ATP5IF1: variants seen among roughly 807,000 people sequenced by gnomAD.
The protein encoded by ATP5IF1 is ATPase inhibitor, mitochondrial.
ATP5IF1 carries 12 observed loss-of-function variants against 8.5 expected under a neutral mutation model. The observed-to-expected ratio is 1.41, with a 90% CI of 0.90 to 2.28. ATP5IF1 has a LOEUF of 2.28. ATP5IF1 is among the 30% of genes most tolerant of loss of function. The probability of loss-of-function intolerance (pLI) is 0.00; values close to 1 mark genes in which losing one functional copy is unlikely to be tolerated. For missense variants in ATP5IF1, 154 were observed against 140.2 expected (o/e 1.10, Z -0.50); for synonymous variants, 51 against 53.4 (o/e 0.96, Z 0.19).
chr1:28,237,765 T>A (rs758222441), intron 2 of ATP5IF1, 72 bp from the exon 3 acceptor site: 5 of 1,614,014 alleles, frequency 3.1e-6, no homozygotes, highest in Admixed American at 3.3e-5. Context: ...GCTTAGACAT[T>A]ACAGGTTATG....
At chr1:28,237,091 T>C in intron 2 of ATP5IF1, 1 of 993,034 alleles carries the variant, frequency 1.0e-6, no homozygotes, top group South Asian at 4.5e-5. Context: ...GGGCTGGGCC[T>C]CCCTTTGCCA....
intron 2 of ATP5IF1, 131 bp downstream of exon 2, chr1:28,236,583 C>G: frequency 2.6e-6 from 4 of 1,544,738 alleles, no homozygotes; most frequent in Non-Finnish European, 3.5e-6. Context: ...CTCCCGGGCC[C>G]CAATCCAGTA....
At chr1:28,237,684 T>G in intron 2 of ATP5IF1, 153 bp from the exon 3 acceptor site, 1 of 1,586,050 alleles carries the variant, frequency 6.3e-7, no homozygotes, top group Non-Finnish European at 8.6e-7. Context: ...AGATGGGGTA[T>G]TCTTTCACTA....
chr1:28,236,675 C>G, intron 2 of ATP5IF1: 2 of 1,442,932 alleles, frequency 1.4e-6, no homozygotes, highest in Middle Eastern at 2.5e-4. Flanking sequence ...GCCCCCAAAC[C>G]GTTTCCACCG....
rs755812173 is a variant in ATP5IF1 at position 28,238,016 on chromosome 1, C to T, written c.*38C>T. 1.9e-6 allele frequency: 3 copies of T among 1,579,748 alleles called. No individual in the cohort carries two copies. In the Admixed American group the frequency reaches 5.2e-5, roughly 27 times the overall value. On this transcript the variant is annotated 3_prime_UTR_variant, in exon 3 of 3. Coordinates refer to ENST00000335514, the MANE Select transcript of ATP5IF1 (RefSeq NM_016311.5). ...TGCCATAGAATGGCACATGTCATTG[C>T]CCACTTCTGTGTAGACATGGTTCTG...
In ATP5IF1 at chr1:28,236,127, G is replaced by A. The variant is rs995114281; in HGVS notation, c.-57G>A. ...GTGCTTGGCCGTCCCTGCCATTAGCGCGTAACGAGAGACTGCTTGCTGCGG... is the reference window on the plus strand; with the variant it reads ...GTGCTTGGCCGTCCCTGCCATTAGCACGTAACGAGAGACTGCTTGCTGCGG... On this transcript the variant is annotated 5_prime_UTR_variant, in exon 1 of 3. Coordinates refer to ENST00000335514, the MANE Select transcript of ATP5IF1 (RefSeq NM_016311.5). 9 of 1,595,162 alleles carry A rather than the reference G, an allele frequency of 5.6e-6. No homozygotes were observed.
rs1292384632 is a variant in ATP5IF1, at chr1:28,236,278, G to A, written c.87+8G>A. ...GGCTTCGGCTCGGATCAGGTACGCT[G>A]CGGCAGTGTCCGCTGCTCCAGCCCC... On this transcript the variant is annotated splice_region_variant and intron_variant, in intron 1 of 2. Transcript: ENST00000335514. The A allele has an allele frequency of 6.2e-7, 1 of 1,614,042 alleles. No homozygotes were observed. The highest frequency in any genetic ancestry group is 8.5e-7 in the Non-Finnish European group (1 of 1,180,034).
intron 2 of ATP5IF1, chr1:28,236,964 T>C: frequency 9.5e-7 from 1 of 1,054,072 alleles, no homozygotes; most frequent in Non-Finnish European, 1.1e-6. Flanking sequence ...AGAGTGAGGA[T>C]GATGGGAGCT....
At chr1:28,236,573 C>A in intron 2 of ATP5IF1, 121 bp downstream of exon 2, 2 of 1,550,110 alleles carry the variant, frequency 1.3e-6, no homozygotes, top group Non-Finnish European at 8.7e-7. Flanking sequence ...CCCAACAGAA[C>A]TCCCGGGCCC....
chr1:28,236,391 A>C lies in ATP5IF1; in HGVS notation c.118A>C (p.Ile40Leu), dbSNP rs770769406. The C allele has an allele frequency of 7.4e-6, 12 of 1,614,086 alleles. No individual in the cohort carries two copies. Among genetic ancestry groups the C allele is most frequent in the African/African-American group, 1.3e-5 (1 of 74,946 alleles). ...GAATGTCGACCGGGGCGCGGGCTCC[A>C]TCCGGGAAGCCGGTGGGGCCTTCGG... ...SENVDRGAGSIREAGGAFGKR... is the reference protein window; with the variant it reads ...SENVDRGAGSLREAGGAFGKR... The change falls in exon 2 of 3, where the codon ATC becomes CTC. Residue 40 changes from isoleucine to leucine, a missense_variant. Physicochemically the swap from Ile to Leu is conservative, Grantham distance 5. Transcript: ENST00000335514.
intron 2 of ATP5IF1, chr1:28,237,031 A>C (rs1647043438): frequency 2.0e-6 from 2 of 1,014,794 alleles, no homozygotes; most frequent in Non-Finnish European, 2.4e-6. Context: ...TGCCCTACTC[A>C]GCCCAACCTA....
At chr1:28,237,398 A>C (rs180864900) in intron 2 of ATP5IF1, 10 of 1,080,644 alleles carry the variant, frequency 9.3e-6, no homozygotes, top group Non-Finnish European at 1.1e-5. Flanking sequence ...GAGACCCTTT[A>C]TTGGCCTTAC....
At chr1:28,237,196 T>C in intron 2 of ATP5IF1, 3 of 991,496 alleles carry the variant, frequency 3.0e-6, no homozygotes, top group Non-Finnish European at 3.6e-6. Context: ...CACTTCTGCC[T>C]TCTGTTGAGA....
rs780140606 is a variant in ATP5IF1, at chr1:28,236,376, C to T, written c.103C>T (p.Arg35Trp). 1.7e-5 allele frequency: 27 copies of T among 1,614,072 alleles called. No individual in the cohort carries two copies. Among genetic ancestry groups the T allele is most frequent in the Non-Finnish European group, 1.1e-5 (13 of 1,180,036 alleles). The change falls in exon 2 of 3, where the codon CGG (arginine) becomes TGG (tryptophan). Residue 35 changes from arginine (R) to tryptophan (W), a missense_variant. Transcript: ENST00000335514. ...CTCTCTGCAGTCCGAGAATGTCGAC[C>T]GGGGCGCGGGCTCCATCCGGGAAGC... ...FGSDQSENVD[R>W]GAGSIREAGG...
rs758401235 is a variant in ATP5IF1, at chr1:28,237,892, G to A, written c.235G>A (p.Val79Ile). 7.4e-6 allele frequency: 12 copies of A among 1,614,072 alleles called. No homozygotes were observed. The highest frequency in any genetic ancestry group is 5.5e-5 in the South Asian group (5 of 91,086). The change falls in exon 3 of 3, where the codon GTT (valine) becomes ATT (isoleucine). Residue 79 changes from valine (V) to isoleucine (I), a missense_variant. By Grantham distance (29) the Val-to-Ile change is conservative (BLOSUM62 3). Coordinates refer to ENST00000335514, the MANE Select transcript of ATP5IF1 (RefSeq NM_016311.5). ...ALKKHHEEEI[V>I]HHKKEIERLQ... ...GAAAAAACACCATGAAGAAGAAATCGTTCATCATAAGAAGGAGATTGAGCG... is the reference window on the plus strand; with the variant it reads ...GAAAAAACACCATGAAGAAGAAATCATTCATCATAAGAAGGAGATTGAGCG...
Position 28,237,971 on chromosome 1 carries a change from A to G in ATP5IF1, c.314A>G (p.Asp105Gly). Reference protein sequence around the residue: ...HKQKIKMLKHDD With the variant: ...HKQKIKMLKHGD ...CAGAAGATCAAAATGCTAAAACATG[A>G]TGATTAAGTGCACACCGTGTGCCAT... Residue 105 changes from aspartate to glycine, a missense_variant, in exon 3 of 3, where the codon GAT becomes GGT. Asp to Gly is a moderately conservative substitution (Grantham distance 94). Coordinates refer to ENST00000335514, the MANE Select transcript of ATP5IF1 (RefSeq NM_016311.5). 6.2e-7 allele frequency: 1 copy of G among 1,610,434 alleles called. No homozygotes were observed. The highest frequency in any genetic ancestry group is 8.5e-7 in the Non-Finnish European group (1 of 1,179,842).
rs541425565 is a variant in ATP5IF1 at position 28,237,489 on chromosome 1, C to T, written c.180-348C>T. The stretch of plus-strand genomic sequence containing the variant: ...ATGGATATTTGCCTTTTAGCTACAC[C>T]CCTTTGTCTGTCTTCCTCATTTTGT... On this transcript the variant is annotated intron_variant, in intron 2 of 2. Transcript: ENST00000335514. 15 of 1,325,708 alleles carry T rather than the reference C, an allele frequency of 1.1e-5. No individual in the cohort carries two copies. In the South Asian group the frequency reaches 2.4e-4, roughly 22 times the overall value. The allele number at this position is 1,325,708 out of a possible 1,614,324, so 82.1% of individuals were successfully genotyped here. A position where few individuals can be genotyped will look rare whatever the true frequency, so the allele number is the denominator to read the frequency against.
Position 28,236,449 on chromosome 1 carries a change from T to C in ATP5IF1, c.176T>C (p.Phe59Ser). 2 of 1,614,172 alleles carry C rather than the reference T, an allele frequency of 1.2e-6. No homozygotes were observed. Among genetic ancestry groups the C allele is most frequent in the Non-Finnish European group, 1.7e-6 (2 of 1,180,024 alleles). Residue 59 changes from phenylalanine (F) to serine (S), a missense_variant, in exon 2 of 3, where the codon TTC (phenylalanine) becomes TCC (serine). Transcript: ENST00000335514. ...GAGCAGGCTGAAGAGGAACGATATT[T>C]CCGGTGAGGCTCACCGGGTCCCAAG... ...KREQAEEERY[F>S]RAQSREQLAA...
In ATP5IF1 at chr1:28,236,164, G is replaced by C; in HGVS notation, c.-20G>C. ...ACTGCTTGCTGCGGCAGAGACGCCA[G>C]AGGTGCAGCTCCAGCAGCAATGGCA... On this transcript the variant is annotated 5_prime_UTR_variant, in exon 1 of 3. Transcript: ENST00000335514. 1 of 1,611,220 alleles carries C rather than the reference G, an allele frequency of 6.2e-7. No homozygotes were observed. The highest frequency in any genetic ancestry group is 1.1e-5 in the South Asian group (1 of 91,062).
Sources: allele counts gnomAD v4.1 joint callset, GRCh38; gene constraint gnomAD v4.1.1; transcripts MANE v1.5; gene names NCBI Gene and HGNC (gene_info 2026-07-23, HGNC 2026-07-21).